Variants in SLA observed in about 807,000 individuals in gnomAD.
SLA encodes Src like adaptor, also known as src-like-adapter.
Under a neutral mutation model 30.3 loss-of-function variants are expected in SLA, and 16 were observed. The ratio of observed to expected loss-of-function variants is 0.53; its 90% CI spans 0.36 to 0.80. The LOEUF is 0.80. SLA is among the 30% of genes least tolerant of loss of function. The pLI is 0.01. For missense variants in SLA, 310 were observed against 345.2 expected (o/e 0.90, Z 0.81); for synonymous variants, 143 against 137.8 (o/e 1.04, Z -0.26).
chr8:133,099,209 G>A (rs1009211468), intron 1 of SLA, among the ~76,000 whole-genome samples: 1 of 152,166 alleles, frequency 6.6e-6, no homozygotes, highest in South Asian at 2.1e-4. Flanking sequence ...GCTCCATGGC[G>A]GTCATCCCAG....
chr8:133,088,606 A>G (rs975266781), intron 1 of SLA, among the ~76,000 whole-genome samples: 5 of 152,208 alleles, frequency 3.3e-5, no homozygotes, highest in African/African-American at 1.2e-4. Flanking sequence ...TGCCTTATAA[A>G]TGTTTAATTC....
chr8:133,071,131 G>A (rs1026522365), intron 2 of SLA, among the ~76,000 whole-genome samples: 2 of 152,158 alleles, frequency 1.3e-5, no homozygotes, highest in Non-Finnish European at 1.5e-5. Context: ...CCTTGATGAG[G>A]CTTCGTGTAC....
At chr8:133,091,375 G>C (rs919361293) in intron 1 of SLA, among the ~76,000 whole-genome samples, 2 of 152,214 alleles carry the variant, frequency 1.3e-5, no homozygotes, top group Non-Finnish European at 2.9e-5. Flanking sequence ...TGCCAGGAGG[G>C]AGGCGGAGTC....
At chr8:133,049,646 T>C in intron 5 of SLA, 1 of 480,082 alleles carries the variant, frequency 2.1e-6, no homozygotes, top group East Asian at 3.9e-5. Context: ...TACCACTCTG[T>C]GCCAGGAGCA....
intron 3 of SLA, among the ~76,000 whole-genome samples, chr8:133,058,046 T>C (rs1353298104): frequency 1.3e-5 from 2 of 152,164 alleles, no homozygotes; most frequent in African/African-American, 4.8e-5. Flanking sequence ...GGTTACTTGT[T>C]TGAGGGTAAC....
chr8:133,050,796 GT>G lies in SLA; in HGVS notation c.161+19del, dbSNP rs1265438196. On this transcript the variant is annotated intron_variant, in intron 4 of 8. Coordinates refer to ENST00000338087, the MANE Select transcript of SLA (RefSeq NM_001045556.3). ...TTATCCTGCTTTGAAGATTGCACAA[GT>G]TTTGGAGAGCTGACTCACTCAGAAA... The G allele has an allele frequency of 3.3e-6, 5 of 1,501,084 alleles. No homozygotes were observed. The East Asian group carries it at 1.1e-4, about 34-fold the overall frequency. The allele number at this position is 1,501,084 out of a possible 1,614,324, so 93.0% of individuals were successfully genotyped here.
chr8:133,057,708 C>T (rs1841698108), intron 3 of SLA, among the ~76,000 whole-genome samples: 1 of 149,456 alleles, frequency 6.7e-6, no homozygotes, highest in Admixed American at 6.7e-5. Context: ...AGGTTTAAGA[C>T]ATTAGTTCCT....
chr8:133,077,783 G>A (rs1209622923), intron 1 of SLA, among the ~76,000 whole-genome samples: 1 of 151,884 alleles, frequency 6.6e-6, no homozygotes, highest in East Asian at 1.9e-4. Flanking sequence ...GTGTGTGTGT[G>A]CGGCAGAGTT....
In SLA at chr8:133,036,735, G is replaced by C. The variant is rs1027999971; in HGVS notation, c.*1789C>G. On this transcript the variant is annotated 3_prime_UTR_variant, in exon 9 of 9. Transcript: ENST00000338087. ...CCAGAAACTCTCCCTGTGTGCCAAG[G>C]GTTAAATATTTATTAGGTTTGTTTT... 1.3e-5 allele frequency: 2 copies of C among 152,468 alleles called. No homozygotes were observed. Among genetic ancestry groups the C allele is most frequent in the Non-Finnish European group, 1.5e-5 (1 of 68,000 alleles). 9.4% of individuals were successfully genotyped at this position (152,468 alleles called of 1,614,324 possible).
intron 3 of SLA, among the ~76,000 whole-genome samples, chr8:133,056,021 G>A (rs368298470): frequency 1.1e-4 from 17 of 152,106 alleles, no homozygotes; most frequent in Non-Finnish European, 2.4e-4. Context: ...TCCAGAGACC[G>A]CCCAAGAGCA....
intron 3 of SLA, among the ~76,000 whole-genome samples, chr8:133,056,456 G>A (rs751416524): frequency 3.3e-5 from 5 of 152,084 alleles, no homozygotes; most frequent in Non-Finnish European, 7.4e-5. Context: ...TCATTCATTC[G>A]AGACGAGCCC....
At chr8:133,041,784 GTTTTT>G (rs529937626) in intron 7 of SLA, among the ~76,000 whole-genome samples, 76 of 124,384 alleles carry the variant, frequency 6.1e-4, no homozygotes, top group East Asian at 5.5e-3. Flanking sequence ...CTTGTGGTCA[GTTTTT>G]TTTTTTTTTT....
At position 133,069,258 on chromosome 8, in the gene SLA, C is replaced by T. The variant is rs1587978486; in HGVS notation, c.-41+5595G>A. On this transcript the variant is annotated intron_variant, in intron 2 of 8. Coordinates refer to ENST00000338087, the MANE Select transcript of SLA (RefSeq NM_001045556.3). ...GCAAGAGTTACTTTTCCTTTTTATTCGTACATGTGAATCACAGCATTACTC... is the reference window on the plus strand; with the variant it reads ...GCAAGAGTTACTTTTCCTTTTTATTTGTACATGTGAATCACAGCATTACTC... Among the ~76,000 whole-genome samples, 4 of 152,170 alleles carry T rather than the reference C, an allele frequency of 2.6e-5. No individual in the cohort carries two copies. In the South Asian group the frequency reaches 8.3e-4, roughly 31 times the overall value.
intron 2 of SLA, 30 bp from the exon 3 acceptor site, chr8:133,060,230 C>T (rs1296073041): frequency 1.2e-6 from 2 of 1,612,872 alleles, no homozygotes; most frequent in Admixed American, 3.3e-5. Flanking sequence ...CGGGGAAAGT[C>T]AACCGTGCCC....
rs528662880 is a variant in SLA, at chr8:133,083,305, T to C, written c.-318-8175A>G. On this transcript the variant is annotated intron_variant, in intron 1 of 8. Coordinates refer to ENST00000338087, the MANE Select transcript of SLA (RefSeq NM_001045556.3). Reference sequence around the variant, plus strand: ...ATTTTCACAAGAACTCTTTGAAATATCAATTGATTTTAACAATTGCTACCA... The same window carrying C: ...ATTTTCACAAGAACTCTTTGAAATACCAATTGATTTTAACAATTGCTACCA... 2.1e-4 allele frequency among the ~76,000 whole-genome samples: 32 copies of C among 152,340 alleles called. No individual in the cohort carries two copies. In the South Asian group the frequency reaches 4.6e-3, roughly 22 times the overall value.
rs1837848674 is a variant in SLA, at chr8:133,039,908, GCA to G, written c.617+88_617+89del. 3 of 1,494,490 alleles carry G rather than the reference GCA, an allele frequency of 2.0e-6. No homozygotes were observed. In the South Asian group the frequency reaches 3.9e-5, roughly 19 times the overall value. 92.6% of individuals were successfully genotyped at this position (1,494,490 alleles called of 1,614,324 possible). A position where few individuals can be genotyped will look rare whatever the true frequency, so the allele number is the denominator to read the frequency against. On this transcript the variant is annotated intron_variant, in intron 8 of 8. Coordinates refer to ENST00000338087, the MANE Select transcript of SLA (RefSeq NM_001045556.3). ...TCTGGCCATGGTTTTCATGTGCTCG[GCA>G]CACACACCGTTTTGTGCTCACATGT...
chr8:133,072,350 C>T (rs1320038363), intron 2 of SLA, among the ~76,000 whole-genome samples: 3 of 152,132 alleles, frequency 2.0e-5, no homozygotes, highest in South Asian at 2.1e-4. Context: ...TTATTTCCTT[C>T]GGAACTTGTA....
intron 1 of SLA, among the ~76,000 whole-genome samples, chr8:133,095,701 C>T (rs1400417183): frequency 6.6e-6 from 1 of 152,220 alleles, no homozygotes; most frequent in Non-Finnish European, 1.5e-5. Context: ...GACCAAATCT[C>T]TGGCTGGCCT....
intron 5 of SLA, chr8:133,049,004 G>C (rs1362320893): frequency 2.8e-6 from 1 of 356,024 alleles, no homozygotes; most frequent in African/African-American, 2.1e-5. Context: ...TTTCCAATGT[G>C]CTTTGCATTT....
Sources: allele counts gnomAD v4.1 joint callset (sites outside exome capture counted in the v4.1 genomes callset), GRCh38; gene constraint gnomAD v4.1.1; transcripts MANE v1.5; gene names NCBI Gene and HGNC (gene_info 2026-07-23, HGNC 2026-07-21).